GALNT13: variants seen among roughly 807,000 people sequenced by gnomAD.
The protein encoded by GALNT13 is UDP-GalNAc:polypeptide N-acetylgalactosaminyltransferase 13.
In GALNT13, 28 loss-of-function variants were observed where a neutral mutation model predicts 64.2. The ratio of observed to expected loss-of-function variants is 0.44; its 90% CI spans 0.32 to 0.60. The LOEUF is 0.60. GALNT13 is among the 20% of genes least tolerant of loss of function. GALNT13 has a pLI of 0.05. For missense variants in GALNT13, 577 were observed against 669.8 expected, an observed-to-expected ratio of 0.86 and a Z score of 1.53; for synonymous variants, 214 against 224.6, an observed-to-expected ratio of 0.95 and a Z score of 0.42.
the GALNT13 span, among the ~76,000 whole-genome samples, chr2:153,475,771 A>G: frequency 9.9e-4 from 150 of 152,284 alleles, no homozygotes; most frequent in African/African-American, 3.5e-3. Flanking sequence ...CAGGTGAGCT[A>G]ATAAATCTTC....
At chr2:153,696,325 G>T in the GALNT13 span, among the ~76,000 whole-genome samples, 9 of 152,118 alleles carry the variant, frequency 5.9e-5, no homozygotes, top group Admixed American at 2.6e-4. Flanking sequence ...ATCTTCTCCT[G>T]CCTGCTTTAT....
the GALNT13 span, among the ~76,000 whole-genome samples, chr2:153,158,776 T>C: frequency 1.3e-5 from 2 of 152,206 alleles, no homozygotes; most frequent in Admixed American, 1.3e-4. Flanking sequence ...AAGGTAGCAT[T>C]TGAAATGGAT....
At chr2:153,403,335 G>C in the GALNT13 span, among the ~76,000 whole-genome samples, 12 of 151,920 alleles carry the variant, frequency 7.9e-5, no homozygotes, top group Non-Finnish European at 5.9e-5. Flanking sequence ...CTTCAAAGCT[G>C]TCAGACAGGG....
chr2:154,312,689 C>T (rs1436908911), intron 9 of GALNT13, among the ~76,000 whole-genome samples: 1 of 152,102 alleles, frequency 6.6e-6, no homozygotes, highest in Non-Finnish European at 1.5e-5. Context: ...AAGTATAGCA[C>T]ATTTTATGTG....
chr2:154,440,244 G>T (rs926770474), intron 12 of GALNT13, among the ~76,000 whole-genome samples: 1 of 152,088 alleles, frequency 6.6e-6, no homozygotes, highest in South Asian at 2.1e-4. Context: ...GAATGATCGT[G>T]TACATTTTTA....
At chr2:153,799,973 A>C in the GALNT13 span, among the ~76,000 whole-genome samples, 1 of 151,040 alleles carries the variant, frequency 6.6e-6, no homozygotes. Flanking sequence ...CTTGCCTAGA[A>C]TGACTGGCAT....
At chr2:153,833,880 C>G in the GALNT13 span, among the ~76,000 whole-genome samples, 2 of 152,030 alleles carry the variant, frequency 1.3e-5, no homozygotes. Flanking sequence ...CTTGGGGATT[C>G]TATGCCACCA....
At chr2:153,575,820 A>G in the GALNT13 span, among the ~76,000 whole-genome samples, 1 of 152,156 alleles carries the variant, frequency 6.6e-6, no homozygotes, top group Non-Finnish European at 1.5e-5. Context: ...GAGAACGCCA[A>G]GAGCCTGCTT....
chr2:154,445,028 C>T (rs1472040432), intron 12 of GALNT13, among the ~76,000 whole-genome samples: 2 of 151,820 alleles, frequency 1.3e-5, no homozygotes, highest in African/African-American at 2.4e-5. Context: ...TCTTTTCAAA[C>T]AGTATACTGA....
intron 9 of GALNT13, among the ~76,000 whole-genome samples, chr2:154,338,555 T>G (rs1559098827): frequency 6.6e-6 from 1 of 152,196 alleles, no homozygotes; most frequent in East Asian, 1.9e-4. Flanking sequence ...TGACACACCA[T>G]GCAGGGCCAC....
At chr2:153,731,385 A>G in the GALNT13 span, among the ~76,000 whole-genome samples, 1 of 151,854 alleles carries the variant, frequency 6.6e-6, no homozygotes, top group Non-Finnish European at 1.5e-5. Flanking sequence ...GAAATTATCT[A>G]CTGGGTACAA....
At chr2:153,779,219 A>G in the GALNT13 span, among the ~76,000 whole-genome samples, 1 of 152,162 alleles carries the variant, frequency 6.6e-6, no homozygotes, top group Non-Finnish European at 1.5e-5. Context: ...GACGCAAAAC[A>G]TATAATTTCA....
chr2:153,250,918 C>A, the GALNT13 span, among the ~76,000 whole-genome samples: 1 of 152,092 alleles, frequency 6.6e-6, no homozygotes, highest in Non-Finnish European at 1.5e-5. Flanking sequence ...GGACAAATAC[C>A]TAATGCATGC....
chr2:154,207,916 T>C (rs1157783450), intron 4 of GALNT13, among the ~76,000 whole-genome samples: 2 of 152,192 alleles, frequency 1.3e-5, no homozygotes, highest in African/African-American at 4.8e-5. Flanking sequence ...AGGCAACATA[T>C]GTGGCTTTGG....
chr2:153,240,884 GGTGTCTGTCTTA>G, the GALNT13 span, among the ~76,000 whole-genome samples: 9 of 151,986 alleles, frequency 5.9e-5, no homozygotes, highest in Non-Finnish European at 1.2e-4. Context: ...CCCATGGTGG[GGTGTCTGTCTTA>G]GTTCAGATCC....
chr2:154,283,089 G>A (rs1692052483), intron 8 of GALNT13, among the ~76,000 whole-genome samples: 1 of 152,076 alleles, frequency 6.6e-6, no homozygotes, highest in South Asian at 2.1e-4. Context: ...GTTTATCAAG[G>A]ATCATAGTGC....
At chr2:153,238,095 G>A in the GALNT13 span, among the ~76,000 whole-genome samples, 1 of 151,992 alleles carries the variant, frequency 6.6e-6, no homozygotes. Context: ...GTGATATTGA[G>A]CAGCTTTTCA....
rs369779799 is a variant in GALNT13, at chr2:153,907,593, C to T, written c.-105+6586C>T. 6.5e-3 allele frequency among the ~76,000 whole-genome samples: 986 copies of T among 151,946 alleles called. 8 individuals are homozygous for T. The highest frequency in any genetic ancestry group is 0.022 in the African/African-American group (913 of 41,468). ...AAGGTAGAGTTCATTGTCTGTTTTT[C>T]CCTTCTTTGTGTCCATGTGTTCTGA... On this transcript the variant is annotated intron_variant, in intron 2 of 12. Transcript: ENST00000392825.
chr2:154,393,773 G>A (rs1249454536), intron 9 of GALNT13, among the ~76,000 whole-genome samples: 1 of 152,064 alleles, frequency 6.6e-6, no homozygotes, highest in Non-Finnish European at 1.5e-5. Flanking sequence ...TGTTTTCTCT[G>A]ACCTCATATA....
Sources: gnomAD v4.1 joint callset for allele counts (sites outside exome capture counted in the v4.1 genomes callset) on GRCh38, gnomAD v4.1.1 for gene constraint, MANE v1.5 for transcripts, NCBI Gene and HGNC (gene_info 2026-07-23, HGNC 2026-07-21) for gene names.